Variants in HGSNAT observed in about 807,000 individuals in gnomAD.
HGSNAT encodes heparan-alpha-glucosaminide N-acetyltransferase.
HGSNAT carries 59 observed loss-of-function variants against 85.2 expected under a neutral mutation model. The observed-to-expected ratio is 0.69, with a 90% CI of 0.56 to 0.86. The LOEUF (loss-of-function observed/expected upper bound fraction) is 0.86, where lower values mean the gene tolerates loss of function less well. Among genes scored for constraint, HGSNAT ranks in the 40% least tolerant of loss-of-function variants. HGSNAT has a pLI of 0.00. For missense variants in HGSNAT, 756 were observed against 777.1 expected (o/e 0.97, Z 0.32); for synonymous variants, 321 against 304.5 (o/e 1.05, Z -0.56).
At chr8:43,158,500 G>T (rs117256780) in intron 2 of HGSNAT, 75 bp from the exon 3 acceptor site, 2 of 1,490,682 alleles carry the variant, frequency 1.3e-6, no homozygotes, top group Non-Finnish European at 1.9e-6. Flanking sequence ...TCTCCAGTTG[G>T]ATATTTATGT....
intron 2 of HGSNAT, among the ~76,000 whole-genome samples, chr8:43,148,493 G>T (rs986124352): frequency 2.6e-5 from 4 of 151,354 alleles, no homozygotes; most frequent in East Asian, 3.9e-4. Context: ...ACAAATTAAA[G>T]AATTAAAAAA....
chr8:43,150,830 T>C (rs1802891792), intron 2 of HGSNAT, among the ~76,000 whole-genome samples: 2 of 113,416 alleles, frequency 1.8e-5, no homozygotes, highest in South Asian at 6.2e-4. Context: ...CGAGACTCCG[T>C]TTCAAAATAA....
At chr8:43,159,650 A>AT (rs1803208078) in intron 4 of HGSNAT, among the ~76,000 whole-genome samples, 1 of 152,226 alleles carries the variant, frequency 6.6e-6, no homozygotes, top group Non-Finnish European at 1.5e-5. Flanking sequence ...TGAAGCATTA[A>AT]TAAGCCAAAA....
intron 4 of HGSNAT, among the ~76,000 whole-genome samples, chr8:43,159,961 G>A (rs1019467194): frequency 1.3e-5 from 2 of 152,178 alleles, no homozygotes; most frequent in Non-Finnish European, 2.9e-5. Context: ...TATATCAAAA[G>A]AACGCAGGAG....
intron 8 of HGSNAT, among the ~76,000 whole-genome samples, chr8:43,173,314 C>CTT (rs1195071928): frequency 6.9e-6 from 1 of 144,728 alleles, no homozygotes. Context: ...TTTTCTTTTT[C>CTT]TTTTTTTTTT....
chr8:43,199,506 C>G lies in HGSNAT; in HGVS notation c.1845C>G (p.Ala615=), dbSNP rs768575788. ...AGCACCTGACTCAGAACATCGTCGC[C>G]ACTGCCCTCTGGGTGCTCATTGCCT... The part of the protein sequence containing the change: ...HKEHLTQNIV[A]TALWVLIAYI... The change falls in exon 18 of 18, where the codon GCC becomes GCG. Residue 615 remains alanine (A), a synonymous_variant. Coordinates refer to ENST00000379644, the MANE Select transcript of HGSNAT (RefSeq NM_152419.3). 6.2e-7 allele frequency: 1 copy of G among 1,610,554 alleles called. No individual in the cohort carries two copies. Among genetic ancestry groups the G allele is most frequent in the Non-Finnish European group, 8.5e-7 (1 of 1,178,254 alleles).
intron 4 of HGSNAT, 133 bp downstream of exon 4, chr8:43,159,177 C>A: frequency 1.4e-6 from 1 of 707,814 alleles, no homozygotes; most frequent in Non-Finnish European, 2.2e-6. Flanking sequence ...CATTGATGAG[C>A]ACCACTCCCC....
At chr8:43,182,069 AG>A (rs1804144149) in intron 10 of HGSNAT, 75 bp from the exon 11 acceptor site, 7 of 1,120,246 alleles carry the variant, frequency 6.2e-6, no homozygotes, top group African/African-American at 1.5e-5. Flanking sequence ...CTTCCCCTTT[AG>A]GAAACAAATA....
chr8:43,144,058 C>T (rs1253360162), intron 1 of HGSNAT, among the ~76,000 whole-genome samples: 3 of 152,150 alleles, frequency 2.0e-5, no homozygotes, highest in African/African-American at 7.2e-5. Flanking sequence ...GTGGCTCACG[C>T]CTGTAGTCCT....
At chr8:43,155,426 C>T (rs1181201690) in intron 2 of HGSNAT, among the ~76,000 whole-genome samples, 1 of 151,758 alleles carries the variant, frequency 6.6e-6, no homozygotes, top group Non-Finnish European at 1.5e-5. Flanking sequence ...TGAGAAATAC[C>T]TATTTTGATT....
intron 1 of HGSNAT, among the ~76,000 whole-genome samples, chr8:43,142,207 G>A (rs1802573576): frequency 6.6e-6 from 1 of 152,132 alleles, no homozygotes; most frequent in Admixed American, 6.6e-5. Flanking sequence ...ATTTATCCCC[G>A]CACCATTGGA....
At chr8:43,174,937 A>T (rs951346783) in intron 9 of HGSNAT, among the ~76,000 whole-genome samples, 31 of 151,944 alleles carry the variant, frequency 2.0e-4, no homozygotes, top group Admixed American at 1.9e-3. Context: ...CCCTTCTGGT[A>T]TCCATCCTTC....
Position 43,140,602 on chromosome 8 carries a change from G to A in HGSNAT, c.106G>A (p.Ala36Thr), listed in dbSNP as rs927159055. The A allele has an allele frequency of 8.1e-7, 1 of 1,235,734 alleles. No homozygotes were observed. 76.5% of individuals were successfully genotyped at this position (1,235,734 alleles called of 1,614,324 possible). Residue 36 changes from alanine (A) to threonine (T), a missense_variant, in exon 1 of 18, where the codon GCG becomes ACG. Physicochemically the swap from Ala to Thr is moderately conservative, Grantham distance 58. Transcript: ENST00000379644. Reference protein sequence around the residue: ...GGSSGRDAQAAPPRDLDKKRH... With the variant: ...GGSSGRDAQATPPRDLDKKRH... ...CTCTTCGGGGCGCGATGCCCAGGCC[G>A]CGCCGCCACGAGGTGAGTGCACACC...
chr8:43,177,955 A>G (rs1803870791), intron 9 of HGSNAT, 119 bp from the exon 10 acceptor site: 1 of 826,706 alleles, frequency 1.2e-6, no homozygotes, highest in East Asian at 2.4e-5. Flanking sequence ...TTATTTCAGT[A>G]ATTGGCTACT....
At chr8:43,149,584 C>T (rs1006184922) in intron 2 of HGSNAT, among the ~76,000 whole-genome samples, 3 of 151,688 alleles carry the variant, frequency 2.0e-5, no homozygotes, top group Admixed American at 1.3e-4. Context: ...CCTGTAGTCC[C>T]AGCTACTCAG....
intron 1 of HGSNAT, among the ~76,000 whole-genome samples, chr8:43,142,598 A>T (rs1050638523): frequency 2.0e-5 from 3 of 152,128 alleles, no homozygotes; most frequent in Admixed American, 6.5e-5. Context: ...TCGGCTGCAC[A>T]CTCGAATCCC....
intron 11 of HGSNAT, among the ~76,000 whole-genome samples, chr8:43,189,277 T>C (rs1345685692): frequency 6.6e-6 from 1 of 152,140 alleles, no homozygotes; most frequent in Non-Finnish European, 1.5e-5. Flanking sequence ...TGCGGTGGGC[T>C]CCACTCAGTT....
intron 11 of HGSNAT, among the ~76,000 whole-genome samples, chr8:43,189,994 C>T (rs1160506076): frequency 6.6e-6 from 1 of 152,204 alleles, no homozygotes; most frequent in Non-Finnish European, 1.5e-5. Context: ...TTCCTTGTAG[C>T]ATAACATATA....
At chr8:43,157,499 G>C (rs1464903421) in intron 2 of HGSNAT, among the ~76,000 whole-genome samples, 2 of 151,910 alleles carry the variant, frequency 1.3e-5, no homozygotes, top group East Asian at 3.8e-4. Flanking sequence ...ACCTTGGCCA[G>C]GCATGGTGGC....
Sources: gnomAD v4.1 joint callset for allele counts (sites outside exome capture counted in the v4.1 genomes callset) on GRCh38, gnomAD v4.1.1 for gene constraint, MANE v1.5 for transcripts, NCBI Gene and HGNC (gene_info 2026-07-23, HGNC 2026-07-21) for gene names.